The following IMMP2L variants were observed in gnomAD, a reference collection of about 807,000 sequenced individuals.
IMMP2L encodes the protein mitochondrial inner membrane protease subunit 2.
A neutral mutation model predicts 19.3 loss-of-function variants in IMMP2L; 18 were observed. The ratio of observed to expected loss-of-function variants is 0.93; its 90% CI spans 0.64 to 1.38. The LOEUF is 1.38. IMMP2L is among the 40% of genes most tolerant of loss of function. The pLI, the probability that IMMP2L is intolerant of heterozygous loss-of-function variation, is 0.00. For missense variants in IMMP2L, 233 were observed against 218.2 expected (o/e 1.07, Z -0.43); for synonymous variants, 76 against 73.0 (o/e 1.04, Z -0.21).
chr7:110,781,503 T>A (rs1799739826), intron 5 of IMMP2L, among the ~76,000 whole-genome samples: 1 of 151,894 alleles, frequency 6.6e-6, no homozygotes, highest in Non-Finnish European at 1.5e-5. Flanking sequence ...GGTATTCTTA[T>A]TTTTTTCATC....
At chr7:110,715,345 T>A (rs958838154) in intron 5 of IMMP2L, among the ~76,000 whole-genome samples, 1 of 152,188 alleles carries the variant, frequency 6.6e-6, no homozygotes, top group South Asian at 2.1e-4. Flanking sequence ...CTAGTTCCTG[T>A]AGGTGTGATG....
intron 3 of IMMP2L, among the ~76,000 whole-genome samples, chr7:111,269,771 C>A (rs559419827): frequency 3.9e-5 from 6 of 152,078 alleles, no homozygotes; most frequent in Non-Finnish European, 5.9e-5. Context: ...AAAAGAAGAC[C>A]TATCAAATGC....
At chr7:111,502,274 C>T (rs919755281) in intron 2 of IMMP2L, among the ~76,000 whole-genome samples, 1 of 152,116 alleles carries the variant, frequency 6.6e-6, no homozygotes, top group African/African-American at 2.4e-5. Context: ...AGCTAACTAT[C>T]CTAAATATAT....
At chr7:110,995,618 T>G (rs759882352) in intron 3 of IMMP2L, among the ~76,000 whole-genome samples, 1 of 152,162 alleles carries the variant, frequency 6.6e-6, no homozygotes, top group Non-Finnish European at 1.5e-5. Context: ...TGTATTTCAG[T>G]TCTTTCTGGT....
At chr7:110,796,593 T>A (rs1305274903) in intron 5 of IMMP2L, among the ~76,000 whole-genome samples, 1 of 152,034 alleles carries the variant, frequency 6.6e-6, no homozygotes, top group Non-Finnish European at 1.5e-5. Flanking sequence ...ACTAAGAATA[T>A]ACACTATATT....
chr7:111,475,893 T>C (rs1471945949), intron 3 of IMMP2L, among the ~76,000 whole-genome samples: 1 of 152,124 alleles, frequency 6.6e-6, no homozygotes, highest in African/African-American at 2.4e-5. Context: ...GTTCCAAGTC[T>C]CCTATCTGTT....
intron 5 of IMMP2L, among the ~76,000 whole-genome samples, chr7:110,880,650 T>C (rs1025117367): frequency 2.0e-5 from 3 of 152,032 alleles, no homozygotes; most frequent in Non-Finnish European, 4.4e-5. Flanking sequence ...TAGGCACCAA[T>C]TACATCTTAC....
At chr7:110,963,435 G>T in intron 4 of IMMP2L, 65 bp downstream of exon 4, 1 of 1,140,242 alleles carries the variant, frequency 8.8e-7, no homozygotes, top group Non-Finnish European at 1.3e-6. Flanking sequence ...TATTTCCCAA[G>T]TAATGTAGGT....
chr7:110,702,267 C>T (rs1375801812), intron 5 of IMMP2L, among the ~76,000 whole-genome samples: 1 of 151,912 alleles, frequency 6.6e-6, no homozygotes, highest in Non-Finnish European at 1.5e-5. Flanking sequence ...GTTGAACGGT[C>T]GCACTTGTGA....
At chr7:111,532,266 ACTAT>A in intron 1 of IMMP2L, among the ~76,000 whole-genome samples, 1 of 152,182 alleles carries the variant, frequency 6.6e-6, no homozygotes, top group East Asian at 1.9e-4. Context: ...ATTTTTTCCT[ACTAT>A]CTGACACTGC....
intron 5 of IMMP2L, among the ~76,000 whole-genome samples, chr7:110,796,391 C>T (rs1479965114): frequency 2.6e-5 from 4 of 151,982 alleles, no homozygotes; most frequent in East Asian, 1.9e-4. Context: ...TGCTTCCTCG[C>T]CCAGTGCCCT....
At chr7:111,010,382 A>G (rs1824812452) in intron 3 of IMMP2L, among the ~76,000 whole-genome samples, 1 of 152,142 alleles carries the variant, frequency 6.6e-6, no homozygotes, top group South Asian at 2.1e-4. Flanking sequence ...TCTTAACATC[A>G]TGTTTAATCA....
At chr7:111,253,195 T>C (rs1372281239) in intron 3 of IMMP2L, among the ~76,000 whole-genome samples, 1 of 152,162 alleles carries the variant, frequency 6.6e-6, no homozygotes, top group Non-Finnish European at 1.5e-5. Context: ...AAATTAAATA[T>C]TTCTCCAAAC....
chr7:111,302,277 C>T (rs557944478), intron 3 of IMMP2L, among the ~76,000 whole-genome samples: 14 of 152,202 alleles, frequency 9.2e-5, no homozygotes, highest in African/African-American at 3.1e-4. Context: ...GTTAGCACTA[C>T]CTGAAAATTT....
At chr7:110,768,633 GC>G (rs1374664122) in intron 5 of IMMP2L, among the ~76,000 whole-genome samples, 1 of 152,076 alleles carries the variant, frequency 6.6e-6, no homozygotes, top group Non-Finnish European at 1.5e-5. Context: ...TATCTTCAAT[GC>G]CTCCCTCCCG....
chr7:111,169,776 A>G (rs1806227878), intron 3 of IMMP2L, among the ~76,000 whole-genome samples: 2 of 151,774 alleles, frequency 1.3e-5, no homozygotes, highest in Admixed American at 1.3e-4. Flanking sequence ...TTAGGACTTC[A>G]TGTTTTGGGG....
chr7:111,242,173 T>C (rs569954470), intron 3 of IMMP2L, among the ~76,000 whole-genome samples: 287 of 152,040 alleles, frequency 1.9e-3, no homozygotes, highest in Non-Finnish European at 3.3e-3. Context: ...TTTAGGAAAA[T>C]AGAGATAGCA....
At chr7:110,852,727 T>C (rs73716483) in intron 5 of IMMP2L, among the ~76,000 whole-genome samples, 2,275 of 152,130 alleles carry the variant, frequency 0.015, 56 homozygotes, top group African/African-American at 0.052. Flanking sequence ...GCCTGGATCA[T>C]GTAGAACCAT....
chr7:111,163,346 G>C (rs1166497414), intron 3 of IMMP2L, among the ~76,000 whole-genome samples: 1 of 152,036 alleles, frequency 6.6e-6, no homozygotes, highest in African/African-American at 2.4e-5. Flanking sequence ...CCTCTAAAAA[G>C]TCTCCAGCTT....
Sources: allele counts gnomAD v4.1 joint callset (sites outside exome capture counted in the v4.1 genomes callset), GRCh38; gene constraint gnomAD v4.1.1; transcripts MANE v1.5; gene names NCBI Gene and HGNC (gene_info 2026-07-23, HGNC 2026-07-21).